Variants in PRKDC observed in about 807,000 individuals in gnomAD.
PRKDC encodes DNA-dependent protein kinase catalytic subunit.
PRKDC carries 82 observed loss-of-function variants against 486.9 expected under a neutral mutation model. The observed-to-expected ratio is 0.17, with a 90% CI of 0.14 to 0.20. The LOEUF (loss-of-function observed/expected upper bound fraction) is 0.20, where lower values mean the gene tolerates loss of function less well. Ranked by LOEUF, PRKDC falls within the 10% of genes least tolerant of loss-of-function variation. The pLI, the probability that PRKDC is intolerant of heterozygous loss-of-function variation, is 1.00. For missense variants in PRKDC, 4,504 were observed against 5,038.2 expected (o/e 0.89, Z 3.21); for synonymous variants, 1,895 against 1,837.0 (o/e 1.03, Z -0.81).
intron 23 of PRKDC, 37 bp downstream of exon 23, chr8:47,915,291 A>G (rs1037266221): frequency 9.0e-6 from 11 of 1,225,094 alleles, no homozygotes; most frequent in East Asian, 2.6e-5. Flanking sequence ...AAGCACAAAT[A>G]TATCTACAGA....
At position 47,823,855 on chromosome 8, in the gene PRKDC, T is replaced by C. The variant is rs1248962396; in HGVS notation, c.8922+3A>G. On this transcript the variant is annotated splice_donor_region_variant and intron_variant, in intron 64 of 85. Transcript: ENST00000314191. ...GTCATATTTTGCCAGAGATCAATTT[T>C]ACCTCATCATACTGCTTAGCAGCTT... 6.2e-7 allele frequency: 1 copy of C among 1,613,144 alleles called. No homozygotes were observed.
At chr8:47,776,765 C>G (rs768138002) in intron 85 of PRKDC, 79 bp downstream of exon 85, 43 of 1,533,316 alleles carry the variant, frequency 2.8e-5, no homozygotes, top group Admixed American at 5.7e-5. Flanking sequence ...GAGCTCAGCA[C>G]TTTGTATATA....
In PRKDC at chr8:47,798,380, G is replaced by C. The variant is rs778219643; in HGVS notation, c.10315C>G (p.Leu3439Val). Residue 3439 changes from leucine (L) to valine (V), a missense_variant, in exon 73 of 86, where the codon CTG (leucine) becomes GTG (valine). Transcript: ENST00000314191. ...ACCACAAGTGCTGGATACGCCTGCA[G>C]TTCTGCAGAATCAATAACTATCAAG... ...ENASVIDSAELQAYPALVVEK... is the reference protein window; with the variant it reads ...ENASVIDSAEVQAYPALVVEK... 7 of 1,603,042 alleles carry C rather than the reference G, an allele frequency of 4.4e-6. No individual in the cohort carries two copies. Among genetic ancestry groups the C allele is most frequent in the Non-Finnish European group, 6.0e-6 (7 of 1,175,526 alleles).
At position 47,898,529 on chromosome 8, in the gene PRKDC, G is replaced by A. The variant is rs748539488; in HGVS notation, c.3405C>T (p.Cys1135=). ...QQCCDAIDHL[C]RIIEKKHVSL... Reference sequence around the variant, plus strand: ...AAACATGCTTCTTTTCAATGATGCGGCATAGGTGATCAATGGCATCACAAC... The same window carrying A: ...AAACATGCTTCTTTTCAATGATGCGACATAGGTGATCAATGGCATCACAAC... Residue 1135 remains cysteine (C), a synonymous_variant, in exon 29 of 86, where the codon TGC becomes TGT. Coordinates refer to ENST00000314191, the MANE Select transcript of PRKDC (RefSeq NM_006904.7). 1.3e-5 allele frequency: 20 copies of A among 1,543,196 alleles called. No homozygotes were observed. The highest frequency in any genetic ancestry group is 1.8e-5 in the Admixed American group (1 of 54,916).
intron 68 of PRKDC, among the ~76,000 whole-genome samples, chr8:47,809,722 C>G (rs1254172849): frequency 6.6e-6 from 1 of 152,216 alleles, no homozygotes; most frequent in East Asian, 1.9e-4. Context: ...GGCCTATCCT[C>G]TGCTGACAAC....
At chr8:47,935,538 C>A (rs1304282835) in intron 13 of PRKDC, among the ~76,000 whole-genome samples, 194 bp downstream of exon 13, 1 of 151,518 alleles carries the variant, frequency 6.6e-6, no homozygotes, top group Non-Finnish European at 1.5e-5. Context: ...ATTAATAGTT[C>A]TATTAATAGA....
intron 68 of PRKDC, among the ~76,000 whole-genome samples, chr8:47,815,693 A>T (rs2087428137): frequency 6.6e-6 from 1 of 152,230 alleles, no homozygotes; most frequent in Admixed American, 6.5e-5. Context: ...TAAGATGTAG[A>T]CTAATATAAA....
rs1019626935 is a variant in PRKDC, at chr8:47,837,490, G to A, written c.7554-71C>T. On this transcript the variant is annotated intron_variant, in intron 56 of 85. Coordinates refer to ENST00000314191, the MANE Select transcript of PRKDC (RefSeq NM_006904.7). ...TGGGAAAGAATGTGCTGTACAGGGT[G>A]TCCTGTGGAGAAGGCACAGCTCTTC... The A allele has an allele frequency of 8.1e-6, 10 of 1,232,402 alleles. No individual in the cohort carries two copies. In the Admixed American group the frequency reaches 2.1e-4, roughly 26 times the overall value. 76.3% of individuals were successfully genotyped at this position (1,232,402 alleles called of 1,614,324 possible). A position where few individuals can be genotyped will look rare whatever the true frequency, so the allele number is the denominator to read the frequency against.
intron 80 of PRKDC, among the ~76,000 whole-genome samples, chr8:47,780,433 T>G (rs1044520117): frequency 9.2e-5 from 14 of 152,210 alleles, no homozygotes; most frequent in Admixed American, 2.6e-4. Flanking sequence ...GGAAACAATG[T>G]GATACACGTA....
intron 51 of PRKDC, among the ~76,000 whole-genome samples, chr8:47,853,286 G>A (rs940532609): frequency 6.6e-6 from 1 of 152,234 alleles, no homozygotes; most frequent in African/African-American, 2.4e-5. Flanking sequence ...CTGTCTAAAA[G>A]GAGCCGAGTT....
Position 47,798,221 on chromosome 8 carries a change from G to C in PRKDC, c.10458+16C>G, listed in dbSNP as rs1385063621. 1 of 1,604,794 alleles carries C rather than the reference G, an allele frequency of 6.2e-7. No individual in the cohort carries two copies. The highest frequency in any genetic ancestry group is 2.2e-5 in the East Asian group (1 of 44,802). ...CTGTAAAGTTCCTTACCGCCAAGTA[G>C]AATAAAGACACCAACCTCTTTTGTC... On this transcript the variant is annotated intron_variant, in intron 73 of 85. Coordinates refer to ENST00000314191, the MANE Select transcript of PRKDC (RefSeq NM_006904.7).
intron 25 of PRKDC, among the ~76,000 whole-genome samples, chr8:47,908,527 AG>A (rs1294426128): frequency 1.3e-5 from 2 of 152,240 alleles, no homozygotes; most frequent in Non-Finnish European, 2.9e-5. Context: ...ATTATAGAAA[AG>A]TAATGAAATC....
At chr8:47,956,341 G>A (rs1376764026) in intron 3 of PRKDC, among the ~76,000 whole-genome samples, 1 of 151,972 alleles carries the variant, frequency 6.6e-6, no homozygotes, top group South Asian at 2.1e-4. Context: ...CAGCCTGAAA[G>A]TATTCACGGG....
rs768091886 is a variant in PRKDC, at chr8:47,834,226, G to A, written c.8122C>T (p.Pro2708Ser). ...PDFGKKRLGL[P>S]GDEVDNKVKG... is the part of the protein sequence containing the mutation. The stretch of plus-strand genomic sequence containing the variant: ...ACTTTGTTATCCACCTCGTCCCCTG[G>A]AAGGCCCAGCCTTTTTTTCCCAAAA... Residue 2708 changes from proline to serine, a missense_variant, in exon 59 of 86, where the codon CCA becomes TCA. By Grantham distance (74) the Pro-to-Ser change is moderately conservative (BLOSUM62 -1). Transcript: ENST00000314191. 1 of 1,614,002 alleles carries A rather than the reference G, an allele frequency of 6.2e-7. No individual in the cohort carries two copies. Among genetic ancestry groups the A allele is most frequent in the Non-Finnish European group, 8.5e-7 (1 of 1,179,896 alleles).
chr8:47,779,330 A>C (rs908181091), intron 80 of PRKDC: 7 of 389,984 alleles, frequency 1.8e-5, no homozygotes, highest in Non-Finnish European at 3.2e-5. Flanking sequence ...CCTATGAAAA[A>C]TTCAGGTACA....
Position 47,773,341 on chromosome 8 carries a change from C to G in PRKDC, c.*832G>C, listed in dbSNP as rs2086553266. ...TTGTGCTAGAATGCATGCTTTTTTTCCTCCAAATGAGGAATTCATTTCAAA... is the reference window on the plus strand; with the variant it reads ...TTGTGCTAGAATGCATGCTTTTTTTGCTCCAAATGAGGAATTCATTTCAAA... On this transcript the variant is annotated 3_prime_UTR_variant, in exon 86 of 86. Coordinates refer to ENST00000314191, the MANE Select transcript of PRKDC (RefSeq NM_006904.7). 3 of 223,398 alleles carry G rather than the reference C, an allele frequency of 1.3e-5. No homozygotes were observed. Among genetic ancestry groups the G allele is most frequent in the Non-Finnish European group, 9.0e-6 (1 of 111,000 alleles). The allele number at this position is 223,398 out of a possible 1,614,324, so 13.8% of individuals were successfully genotyped here.
intron 68 of PRKDC, among the ~76,000 whole-genome samples, chr8:47,814,131 T>C (rs1589714877): frequency 6.6e-6 from 1 of 152,270 alleles, no homozygotes; most frequent in East Asian, 1.9e-4. Flanking sequence ...AAAAACAATA[T>C]GATTAAGCTG....
chr8:47,959,527 A>C, intron 1 of PRKDC, among the ~76,000 whole-genome samples: 1 of 151,824 alleles, frequency 6.6e-6, no homozygotes, highest in East Asian at 1.9e-4. Flanking sequence ...AAATACAAAA[A>C]AATTAGCCGG....
intron 30 of PRKDC, among the ~76,000 whole-genome samples, chr8:47,896,038 C>T (rs1339249000): frequency 1.3e-5 from 2 of 151,512 alleles, no homozygotes; most frequent in African/African-American, 2.4e-5. Flanking sequence ...GACTCTGTCT[C>T]GGGGGAAAAA....
Sources: gnomAD v4.1 joint callset for allele counts (sites outside exome capture counted in the v4.1 genomes callset) on GRCh38, gnomAD v4.1.1 for gene constraint, MANE v1.5 for transcripts, NCBI Gene and HGNC (gene_info 2026-07-23, HGNC 2026-07-21) for gene names.